The following SREBF2 variants were observed in gnomAD, a reference collection of about 807,000 sequenced individuals.
The protein encoded by SREBF2 is sterol regulatory element-binding protein 2.
SREBF2 carries 55 observed loss-of-function variants against 113.1 expected under a neutral mutation model. The ratio of observed to expected loss-of-function variants is 0.49; its 90% confidence interval spans 0.39 to 0.61. The LOEUF is 0.61. Ranked by LOEUF, SREBF2 falls within the 20% of genes least tolerant of loss-of-function variation. The probability of loss-of-function intolerance (pLI) is 0.00; values close to 1 mark genes in which losing one functional copy is unlikely to be tolerated. For synonymous variants in SREBF2, 593 were observed against 605.7 expected (o/e 0.98, Z 0.31); for missense variants, 1,349 against 1,487.4 (o/e 0.91, Z 1.53).
chr22:41,897,566 A>G (rs2077427898), intron 14 of SREBF2, among the ~76,000 whole-genome samples: 1 of 152,042 alleles, frequency 6.6e-6, no homozygotes, highest in South Asian at 2.1e-4. Context: ...GGGCCTCTCT[A>G]CCACTCCTCA....
Position 41,905,738 on chromosome 22 carries a change from T to G in SREBF2, c.*78T>G. 1 of 1,451,480 alleles carries G rather than the reference T, an allele frequency of 6.9e-7. No homozygotes were observed. Among genetic ancestry groups the G allele is most frequent in the Non-Finnish European group, 9.5e-7 (1 of 1,057,078 alleles). 89.9% of individuals were successfully genotyped at this position (1,451,480 alleles called of 1,614,324 possible). Reference sequence around the variant, plus strand: ...CTCAGCATCTTCCCGCTGAGAGTGGTGGGGAAGAGCCTTGTCTTCTTAGCT... The same window carrying G: ...CTCAGCATCTTCCCGCTGAGAGTGGGGGGGAAGAGCCTTGTCTTCTTAGCT... On this transcript the variant is annotated 3_prime_UTR_variant, in exon 19 of 19. Coordinates refer to ENST00000361204, the MANE Select transcript of SREBF2 (RefSeq NM_004599.4).
At chr22:41,847,917 A>T (rs919357632) in intron 1 of SREBF2, among the ~76,000 whole-genome samples, 5 of 83,120 alleles carry the variant, frequency 6.0e-5, no homozygotes, top group Admixed American at 1.7e-4. Flanking sequence ...CATTATTATT[A>T]TTATTTTTTT....
At chr22:41,869,972 C>T (rs977949480) in intron 3 of SREBF2, among the ~76,000 whole-genome samples, 8 of 151,944 alleles carry the variant, frequency 5.3e-5, no homozygotes, top group Admixed American at 3.3e-4. Context: ...TCTCCTGCCT[C>T]GGCCTCCCGA....
chr22:41,898,310 G>A (rs909854677), intron 14 of SREBF2, among the ~76,000 whole-genome samples: 1 of 152,086 alleles, frequency 6.6e-6, no homozygotes, highest in Non-Finnish European at 1.5e-5. Context: ...TAGAGAGGGG[G>A]TTTCACCATG....
At position 41,870,909 on chromosome 22, in the gene SREBF2, C is replaced by G; in HGVS notation, c.741C>G (p.Ile247Met). The G allele has an allele frequency of 1.2e-6, 2 of 1,614,198 alleles. No homozygotes were observed. The highest frequency in any genetic ancestry group is 1.7e-6 in the Non-Finnish European group (2 of 1,180,040). ...TCCAGGTCCTGGTCCAGCCTCAGAT[C>G]ATCAAGACAGATTCCCTTGTTTTGA... The part of the protein sequence containing the change: ...QQVPVLVQPQ[I>M]IKTDSLVLTT... Residue 247 changes from isoleucine to methionine, a missense_variant, in exon 4 of 19, where the codon ATC (isoleucine) becomes ATG (methionine). By Grantham distance (10) the Ile-to-Met change is conservative. Around this residue, in one of 2 missense-constraint regions of SREBF2, gnomAD observed 699 missense variants for 843.3 expected, o/e 0.83. Coordinates refer to ENST00000361204, the MANE Select transcript of SREBF2 (RefSeq NM_004599.4).
At chr22:41,892,994 T>C (rs1259507782) in intron 11 of SREBF2, 123 bp from the exon 12 acceptor site, 2 of 1,197,314 alleles carry the variant, frequency 1.7e-6, no homozygotes, top group Non-Finnish European at 2.4e-6. Flanking sequence ...GTCCTATCCC[T>C]GTGCTGATCT....
chr22:41,905,955 G>C lies in SREBF2; in HGVS notation c.*295G>C, dbSNP rs2077505072. The C allele has an allele frequency of 1.6e-6, 1 of 620,912 alleles. No homozygotes were observed. The highest frequency in any genetic ancestry group is 1.8e-5 in the African/African-American group (1 of 55,544). 38.5% of individuals were successfully genotyped at this position (620,912 alleles called of 1,614,324 possible). On this transcript the variant is annotated 3_prime_UTR_variant, in exon 19 of 19. Transcript: ENST00000361204. ...CCAAGCTGCCAAGCCCCTGCCTCCA[G>C]CCTTCCTGAGTTTCTCTCTCCTGAA... is the stretch of plus-strand genomic sequence containing the variant.
At chr22:41,869,488 A>T (rs1424439300) in intron 3 of SREBF2, among the ~76,000 whole-genome samples, 1 of 124,140 alleles carries the variant, frequency 8.1e-6, no homozygotes, top group African/African-American at 3.7e-5. Flanking sequence ...TCTTTTTTTT[A>T]ATTTTTTTTT....
At chr22:41,834,776 T>G (rs543753019) in intron 1 of SREBF2, 1 of 152,312 alleles carries the variant, frequency 6.6e-6, no homozygotes, top group Admixed American at 6.5e-5. Flanking sequence ...GCTAAGTGCT[T>G]CTAAATACAG....
In SREBF2 at chr22:41,867,582, G is replaced by A. The variant is rs563874290; in HGVS notation, c.538+302G>A. ...AGCACTTTGGGAGGCCAAGGCGGGC[G>A]GATCACGAGGTCAGGAGATTGAGAC... On this transcript the variant is annotated intron_variant, in intron 2 of 18. Coordinates refer to ENST00000361204, the MANE Select transcript of SREBF2 (RefSeq NM_004599.4). Among the ~76,000 whole-genome samples the A allele has an allele frequency of 3.3e-5, 5 of 152,246 alleles. No homozygotes were observed. The East Asian group carries it at 5.8e-4, about 18-fold the overall frequency.
chr22:41,898,857 C>A, intron 15 of SREBF2, 76 bp downstream of exon 15: 1 of 1,581,578 alleles, frequency 6.3e-7, no homozygotes, highest in Non-Finnish European at 8.6e-7. Context: ...GCAAACTGGA[C>A]TGGGTGGGCG....
chr22:41,897,347 G>C (rs2077425734), intron 14 of SREBF2, among the ~76,000 whole-genome samples, 186 bp downstream of exon 14: 2 of 152,154 alleles, frequency 1.3e-5, no homozygotes, highest in Admixed American at 6.5e-5. Flanking sequence ...AGGAAACTAT[G>C]GTTTTCAGAG....
chr22:41,843,701 C>T (rs2076848860), intron 1 of SREBF2, among the ~76,000 whole-genome samples: 1 of 152,078 alleles, frequency 6.6e-6, no homozygotes, highest in African/African-American at 2.4e-5. Flanking sequence ...ATGTGTTTAT[C>T]AAGAAGTGTC....
At chr22:41,874,931 A>G (rs765880567) in intron 5 of SREBF2, among the ~76,000 whole-genome samples, 13 of 152,242 alleles carry the variant, frequency 8.5e-5, no homozygotes, top group South Asian at 8.3e-4. Flanking sequence ...AAAAAAAGAT[A>G]ACTGTCCAAC....
At chr22:41,876,741 GT>G (rs966573624) in intron 7 of SREBF2, among the ~76,000 whole-genome samples, 13 of 152,146 alleles carry the variant, frequency 8.5e-5, no homozygotes, top group African/African-American at 3.1e-4. Context: ...AGTACCAAGA[GT>G]TTTAACATAA....
rs1245933411 is a variant in SREBF2 at position 41,893,209 on chromosome 22, G to A, written c.2301G>A (p.Gln767=). 3 of 1,614,078 alleles carry A rather than the reference G, an allele frequency of 1.9e-6. No individual in the cohort carries two copies. Among genetic ancestry groups the A allele is most frequent in the African/African-American group, 1.3e-5 (1 of 74,932 alleles). Residue 767 remains glutamine, a synonymous_variant, in exon 12 of 19, where the codon CAG becomes CAA. Transcript: ENST00000361204. The stretch of plus-strand genomic sequence containing the variant: ...GCTGGCTCTGCCACCCCCTGGGCCA[G>A]AAGTTTTTCATGGAGCGGAGCTGGT... The part of the protein sequence containing the change: ...SLRWLCHPLG[Q]KFFMERSWSV...
intron 1 of SREBF2, among the ~76,000 whole-genome samples, chr22:41,847,017 G>A (rs759959432): frequency 3.3e-5 from 5 of 152,168 alleles, no homozygotes; most frequent in African/African-American, 4.8e-5. Flanking sequence ...AGTACATAGT[G>A]TATGCAAATT....
At chr22:41,844,436 T>C (rs1170478117) in intron 1 of SREBF2, among the ~76,000 whole-genome samples, 1 of 152,084 alleles carries the variant, frequency 6.6e-6, no homozygotes, top group African/African-American at 2.4e-5. Flanking sequence ...AGTCACAGAG[T>C]GTGGTGCAAG....
intron 1 of SREBF2, among the ~76,000 whole-genome samples, chr22:41,843,989 C>T (rs1366935106): frequency 6.7e-6 from 1 of 149,538 alleles, no homozygotes. Context: ...GCACTTCAGC[C>T]TCGTCAACAG....
Sources: allele counts gnomAD v4.1 joint callset (sites outside exome capture counted in the v4.1 genomes callset), GRCh38; gene constraint gnomAD v4.1.1; regional missense constraint gnomAD v4.1.1; transcripts MANE v1.5; gene names NCBI Gene and HGNC (gene_info 2026-07-23, HGNC 2026-07-21).